ITGA9: variants seen among roughly 807,000 people sequenced by gnomAD.
The protein encoded by ITGA9 is integrin subunit alpha 9.
Under a neutral mutation model 127.8 loss-of-function variants are expected in ITGA9, and 56 were observed. The ratio of observed to expected loss-of-function variants is 0.44; its 90% CI spans 0.35 to 0.55. ITGA9 has a LOEUF of 0.55. Ranked by LOEUF, ITGA9 falls within the 20% of genes least tolerant of loss-of-function variation. The probability of loss-of-function intolerance (pLI) is 0.00; values close to 1 mark genes in which losing one functional copy is unlikely to be tolerated. For synonymous variants in ITGA9, 508 were observed against 514.5 expected (o/e 0.99, Z 0.17); for missense variants, 1,196 against 1,347.1 (o/e 0.89, Z 1.76).
At chr3:37,480,518 T>A (rs1358775913) in intron 3 of ITGA9, among the ~76,000 whole-genome samples, 1 of 152,218 alleles carries the variant, frequency 6.6e-6, no homozygotes, top group Non-Finnish European at 1.5e-5. Context: ...ATGAGGGAAC[T>A]TTCTGGTGAG....
In ITGA9 at chr3:37,741,760, T is replaced by C; in HGVS notation, c.2265T>C (p.His755=). Residue 755 remains histidine (H), a synonymous_variant, in exon 21 of 28, where the codon CAT becomes CAC. Transcript: ENST00000264741. Reference sequence around the variant, plus strand: ...ACACGGAGCGCTCTGAATCCCTGCATGACAACACCCTCGTGCTGATGGTGC... The same window carrying C: ...ACACGGAGCGCTCTGAATCCCTGCACGACAACACCCTCGTGCTGATGGTGC... ...SGNTERSESL[H]DNTLVLMVPL... 1 of 1,613,862 alleles carries C rather than the reference T, an allele frequency of 6.2e-7. No individual in the cohort carries two copies. The highest frequency in any genetic ancestry group is 8.5e-7 in the Non-Finnish European group (1 of 1,179,898).
intron 15 of ITGA9, among the ~76,000 whole-genome samples, chr3:37,599,466 G>C (rs535991519): frequency 7.4e-4 from 113 of 152,346 alleles, no homozygotes; most frequent in African/African-American, 2.5e-3. Flanking sequence ...AAGTAGGCAA[G>C]GCCTTTTGAG....
intron 16 of ITGA9, among the ~76,000 whole-genome samples, chr3:37,646,675 G>C (rs1299763189): frequency 1.3e-5 from 2 of 152,236 alleles, no homozygotes; most frequent in Admixed American, 6.5e-5. Context: ...ACTAGCAGGT[G>C]AAGTCTGGAG....
rs993770269 is a variant in ITGA9 at position 37,452,698 on chromosome 3, C to G, written c.185+139C>G. The G allele has an allele frequency of 3.9e-6, 3 of 761,440 alleles. No homozygotes were observed. In the Admixed American group the frequency reaches 1.3e-4, roughly 34 times the overall value. 47.2% of individuals were successfully genotyped at this position (761,440 alleles called of 1,614,324 possible). A position where few individuals can be genotyped will look rare whatever the true frequency, so the allele number is the denominator to read the frequency against. On this transcript the variant is annotated intron_variant, in intron 1 of 27. Coordinates refer to ENST00000264741, the MANE Select transcript of ITGA9 (RefSeq NM_002207.3). This position sits in a 1 kb window ranked among gnomAD's most constrained non-coding sequence, Gnocchi z 7.3. ...ATTTAAATGTCTCCGTTGCGCGCGG[C>G]TCGGCCGCCGGGGGACGGCGGGAGA...
At chr3:37,485,336 C>T (rs530238053) in intron 4 of ITGA9, among the ~76,000 whole-genome samples, 5 of 152,098 alleles carry the variant, frequency 3.3e-5, no homozygotes, top group Admixed American at 2.0e-4. Flanking sequence ...AGGAGGGGGA[C>T]GGCTGCCTCT....
At chr3:37,468,882 A>C (rs929365813) in intron 1 of ITGA9, among the ~76,000 whole-genome samples, 6 of 152,166 alleles carry the variant, frequency 3.9e-5, no homozygotes, top group Non-Finnish European at 8.8e-5. Context: ...TGTTCTCACT[A>C]AGAAGTGGCT....
intron 15 of ITGA9, among the ~76,000 whole-genome samples, chr3:37,612,154 A>G (rs925302262): frequency 6.6e-6 from 1 of 152,180 alleles, no homozygotes; most frequent in Non-Finnish European, 1.5e-5. Context: ...AAACCAGAGG[A>G]TGGTCTCTCT....
intron 1 of ITGA9, among the ~76,000 whole-genome samples, chr3:37,468,519 C>CA (rs1164665057): frequency 6.6e-6 from 1 of 152,168 alleles, no homozygotes; most frequent in Non-Finnish European, 1.5e-5. Context: ...TTGAGGGCCT[C>CA]AGACTTCTGT....
chr3:37,701,084 G>A (rs1005587326), intron 18 of ITGA9, among the ~76,000 whole-genome samples: 1 of 152,162 alleles, frequency 6.6e-6, no homozygotes, highest in African/African-American at 2.4e-5. Flanking sequence ...GTGGACCAAG[G>A]CCATGCCTGC....
chr3:37,622,795 A>G (rs1415795636), intron 15 of ITGA9, among the ~76,000 whole-genome samples: 5 of 152,094 alleles, frequency 3.3e-5, no homozygotes, highest in African/African-American at 9.7e-5. Context: ...CAATGAGCTG[A>G]GATTGCGCCA....
intron 17 of ITGA9, among the ~76,000 whole-genome samples, chr3:37,661,157 C>G (rs1302311786): frequency 3.9e-5 from 6 of 152,214 alleles, no homozygotes; most frequent in Non-Finnish European, 7.3e-5. Context: ...ACTATATAAA[C>G]AGCAAGGTAG....
intron 15 of ITGA9, among the ~76,000 whole-genome samples, chr3:37,612,223 G>A (rs1700030006): frequency 6.6e-6 from 1 of 152,100 alleles, no homozygotes; most frequent in Non-Finnish European, 1.5e-5. Flanking sequence ...GGACGCCTTT[G>A]GCCGTTGGGA....
At chr3:37,516,674 G>T (rs949508345) in intron 9 of ITGA9, among the ~76,000 whole-genome samples, 1 of 152,102 alleles carries the variant, frequency 6.6e-6, no homozygotes, top group African/African-American at 2.4e-5. Flanking sequence ...AGAAGACTTG[G>T]TCATGATAAA....
intron 26 of ITGA9, among the ~76,000 whole-genome samples, chr3:37,802,753 G>A (rs538594211): frequency 6.6e-6 from 1 of 152,144 alleles, no homozygotes; most frequent in African/African-American, 2.4e-5. Flanking sequence ...GAGGGTAGGG[G>A]TGCCCTGATT....
At chr3:37,739,444 C>G (rs1461215209) in intron 20 of ITGA9, among the ~76,000 whole-genome samples, 2 of 152,234 alleles carry the variant, frequency 1.3e-5, no homozygotes, top group Non-Finnish European at 2.9e-5. Flanking sequence ...GCGCTTGACT[C>G]CCTGCTATGA....
chr3:37,562,740 G>T (rs1264985940), intron 15 of ITGA9, among the ~76,000 whole-genome samples: 2 of 152,124 alleles, frequency 1.3e-5, no homozygotes, highest in African/African-American at 4.8e-5. Flanking sequence ...TCTGACATTT[G>T]TTCCTCTTTC....
intron 17 of ITGA9, among the ~76,000 whole-genome samples, chr3:37,656,016 T>G (rs1304572592): frequency 6.6e-6 from 1 of 152,202 alleles, no homozygotes; most frequent in Non-Finnish European, 1.5e-5. Flanking sequence ...ATGTGTGGTG[T>G]TATTTCTAGG....
chr3:37,562,310 C>A (rs1699499877), intron 15 of ITGA9, among the ~76,000 whole-genome samples: 1 of 152,312 alleles, frequency 6.6e-6, no homozygotes, highest in South Asian at 2.1e-4. Flanking sequence ...CTGTCCCCAT[C>A]CCCACTGCCT....
chr3:37,715,762 A>G (rs1316756871), intron 18 of ITGA9, among the ~76,000 whole-genome samples: 1 of 152,220 alleles, frequency 6.6e-6, no homozygotes, highest in Non-Finnish European at 1.5e-5. Context: ...CAGGACCTGG[A>G]AGACCACTTG....
Sources: gnomAD v4.1 joint callset for allele counts (sites outside exome capture counted in the v4.1 genomes callset) on GRCh38, gnomAD v4.1.1 for gene constraint, Gnocchi (gnomAD v3.1) non-coding constraint, MANE v1.5 for transcripts, NCBI Gene and HGNC (gene_info 2026-07-23, HGNC 2026-07-21) for gene names.